ALX4: variants seen among roughly 807,000 people sequenced by gnomAD.
ALX4 encodes the protein ALX homeobox 4.
In ALX4, 22 loss-of-function variants were observed where a neutral mutation model predicts 40.6. The ratio of observed to expected loss-of-function variants is 0.54; its 90% CI spans 0.39 to 0.77. The LOEUF is 0.77. Among genes scored for constraint, ALX4 ranks in the 30% least tolerant of loss-of-function variants. The pLI is 0.00. For missense variants in ALX4, 556 were observed against 564.8 expected, an observed-to-expected ratio of 0.98 and a Z score of 0.16; for synonymous variants, 266 against 240.5, an observed-to-expected ratio of 1.11 and a Z score of -0.98.
At position 44,263,402 on chromosome 11, in the gene ALX4, C is replaced by A. The variant is rs1038775201; in HGVS notation, c.*1452G>T. On this transcript the variant is annotated 3_prime_UTR_variant, in exon 4 of 4. Transcript: ENST00000652299. ...GCTACAGGGGTCGGGCAGGCAGGCA[C>A]AGAGCCCCGCTTCCTGGAGGCAGGA... The A allele has an allele frequency of 1.3e-5, 2 of 152,276 alleles. No homozygotes were observed. The highest frequency in any genetic ancestry group is 6.5e-5 in the Admixed American group (1 of 15,284). The allele number at this position is 152,276 out of a possible 1,614,324, so 9.4% of individuals were successfully genotyped here. A position where few individuals can be genotyped will look rare whatever the true frequency, so the allele number is the denominator to read the frequency against.
At position 44,309,755 on chromosome 11, in the gene ALX4, G is replaced by A; in HGVS notation, c.308C>T (p.Pro103Leu). 6.5e-6 allele frequency: 10 copies of A among 1,546,894 alleles called. No homozygotes were observed. Among genetic ancestry groups the A allele is most frequent in the Middle Eastern group, 2.0e-4 (1 of 5,012 alleles). ...QPSTPQPQPP[P>L]QPQPQQQQPQ... Reference sequence around the variant, plus strand: ...CTGCTGCTGCTGCGGCTGCGGCTGCGGCGGCGGCTGGGGCTGCGGGGTCGA... The same window carrying A: ...CTGCTGCTGCTGCGGCTGCGGCTGCAGCGGCGGCTGGGGCTGCGGGGTCGA... The change falls in exon 1 of 4, where the codon CCG becomes CTG. Residue 103 changes from proline to leucine, a missense_variant. By Grantham distance (98) the Pro-to-Leu change is moderately conservative (BLOSUM62 -3). Transcript: ENST00000652299.
At chr11:44,271,709 TGC>T (rs1956248298) in intron 2 of ALX4, among the ~76,000 whole-genome samples, 1 of 152,210 alleles carries the variant, frequency 6.6e-6, no homozygotes, top group South Asian at 2.1e-4. Flanking sequence ...TGTGTGTGTG[TGC>T]GCGCGCATGT....
rs149319507 is a variant in ALX4, at chr11:44,279,602, A to C, written c.467-3944T>G. On this transcript the variant is annotated intron_variant, in intron 1 of 3. Transcript: ENST00000652299. ...GCTCAGGCTGACTGCTCCTGACCAA[A>C]GGAAACCACTGACCTTGGTCCCCCA... is the stretch of plus-strand genomic sequence containing the variant. 3.5e-3 allele frequency among the ~76,000 whole-genome samples: 539 copies of C among 152,328 alleles called. 1 individual carries two copies. Among genetic ancestry groups the C allele is most frequent in the Middle Eastern group, 0.014 (4 of 294 alleles).
In ALX4 at chr11:44,275,456, G is replaced by T; in HGVS notation, c.669C>A (p.Ser223Arg). ...CCTTCTCCAGCTCCTCCAGCTGGTA[G>T]CTGGTGAAGGTGGTCCGGTTCCGCC... ...KKRRNRTTFT[S>R]YQLEELEKVF... The change falls in exon 2 of 4, where the codon AGC becomes AGA. Residue 223 changes from serine to arginine, a missense_variant. Coordinates refer to ENST00000652299, the MANE Select transcript of ALX4 (RefSeq NM_021926.4). 6.2e-7 allele frequency: 1 copy of T among 1,614,212 alleles called. No homozygotes were observed. The highest frequency in any genetic ancestry group is 1.1e-5 in the South Asian group (1 of 91,084).
At chr11:44,270,887 T>C (rs1956242713) in intron 2 of ALX4, among the ~76,000 whole-genome samples, 1 of 152,054 alleles carries the variant, frequency 6.6e-6, no homozygotes, top group African/African-American at 2.4e-5. Flanking sequence ...CAGGGCGGGG[T>C]GGCCCAGGGC....
intron 1 of ALX4, among the ~76,000 whole-genome samples, chr11:44,283,337 T>C (rs75331480): frequency 0.013 from 1,970 of 152,024 alleles, 56 homozygotes; most frequent in African/African-American, 0.045. Context: ...TTCATATATA[T>C]AAAACAAAAA....
Position 44,309,721 on chromosome 11 carries a change from G to T in ALX4, c.342C>A (p.Pro114=). Residue 114 remains proline, a synonymous_variant, in exon 1 of 4, where the codon CCC becomes CCA. Coordinates refer to ENST00000652299, the MANE Select transcript of ALX4 (RefSeq NM_021926.4). ...AAAGATGCGGTTGCGCGGGCGGCTG[G>T]GGCTGCGGCTGCTGCTGCTGCGGCT... is the stretch of plus-strand genomic sequence containing the variant. ...QPQPQQQQPQ[P]QPPAQPHLYL... is the part of the protein sequence containing the mutation. 6.4e-7 allele frequency: 1 copy of T among 1,568,556 alleles called. No homozygotes were observed. Among genetic ancestry groups the T allele is most frequent in the Non-Finnish European group, 8.6e-7 (1 of 1,158,694 alleles).
chr11:44,268,342 G>C (rs1399667302), intron 2 of ALX4, among the ~76,000 whole-genome samples: 4 of 152,210 alleles, frequency 2.6e-5, no homozygotes, highest in Non-Finnish European at 5.9e-5. Flanking sequence ...CGGTGGGAGA[G>C]AAAGAAACAG....
At chr11:44,267,874 T>G (rs889479492) in intron 2 of ALX4, among the ~76,000 whole-genome samples, 6 of 152,208 alleles carry the variant, frequency 3.9e-5, no homozygotes, top group African/African-American at 1.4e-4. Flanking sequence ...AACTTTTATT[T>G]TTCTAAGCTT....
At chr11:44,304,292 G>C (rs76327933) in intron 1 of ALX4, among the ~76,000 whole-genome samples, 1,939 of 152,370 alleles carry the variant, frequency 0.013, 21 homozygotes, top group Non-Finnish European at 0.021. Context: ...GCAGGACGGC[G>C]CTCTTACCGC....
At chr11:44,291,842 G>C (rs781400303) in intron 1 of ALX4, among the ~76,000 whole-genome samples, 1 of 151,970 alleles carries the variant, frequency 6.6e-6, no homozygotes, top group African/African-American at 2.4e-5. Flanking sequence ...TTATAGAGAC[G>C]GAGTCTCGCT....
intron 1 of ALX4, among the ~76,000 whole-genome samples, chr11:44,296,473 T>C (rs1390325839): frequency 1.3e-5 from 2 of 152,286 alleles, no homozygotes; most frequent in South Asian, 2.1e-4. Context: ...TTCATCAAAA[T>C]GTAAAACTTC....
At chr11:44,294,298 T>C (rs1211271588) in intron 1 of ALX4, among the ~76,000 whole-genome samples, 4 of 152,134 alleles carry the variant, frequency 2.6e-5, no homozygotes, top group Non-Finnish European at 5.9e-5. Context: ...CCCAGGAAGC[T>C]GGGGCCCAGG....
rs186165160 is a variant in ALX4, at chr11:44,304,452, C to A, written c.466+5145G>T. On this transcript the variant is annotated intron_variant, in intron 1 of 3. Transcript: ENST00000652299. ...GGCATACACTCCCCTACCCACCCAC[C>A]TCGCCTACCCTCGGGGCGAGAGGCT... Among the ~76,000 whole-genome samples, 558 of 152,258 alleles carry A rather than the reference C, an allele frequency of 3.7e-3. 6 individuals carry two copies. The highest frequency in any genetic ancestry group is 0.023 in the Admixed American group (359 of 15,306).
intron 1 of ALX4, among the ~76,000 whole-genome samples, chr11:44,290,032 G>A (rs1386950578): frequency 6.6e-6 from 1 of 152,194 alleles, no homozygotes; most frequent in Non-Finnish European, 1.5e-5. Context: ...AGGTCATACT[G>A]CCTGATAATG....
intron 1 of ALX4, among the ~76,000 whole-genome samples, chr11:44,295,230 G>T (rs1956396452): frequency 6.6e-6 from 1 of 152,168 alleles, no homozygotes; most frequent in Admixed American, 6.5e-5. Context: ...CACTTTACAG[G>T]TAAAGAAACT....
intron 1 of ALX4, among the ~76,000 whole-genome samples, chr11:44,293,952 G>A (rs1157652554): frequency 6.6e-6 from 1 of 152,182 alleles, no homozygotes; most frequent in Non-Finnish European, 1.5e-5. Context: ...CAGTAGATGG[G>A]CGAAGATGGT....
At chr11:44,266,007 C>T (rs183004311) in intron 3 of ALX4, among the ~76,000 whole-genome samples, 6 of 152,318 alleles carry the variant, frequency 3.9e-5, no homozygotes, top group South Asian at 2.1e-4. Context: ...CTTATGCACA[C>T]GGGATTCCTG....
intron 2 of ALX4, among the ~76,000 whole-genome samples, chr11:44,270,898 G>C (rs550573706): frequency 6.6e-6 from 1 of 152,184 alleles, no homozygotes; most frequent in Non-Finnish European, 1.5e-5. Flanking sequence ...GGCCCAGGGC[G>C]GGGAGGCCTC....
Sources: allele counts gnomAD v4.1 joint callset (sites outside exome capture counted in the v4.1 genomes callset), GRCh38; gene constraint gnomAD v4.1.1; transcripts MANE v1.5; gene names NCBI Gene and HGNC (gene_info 2026-07-23, HGNC 2026-07-21).